XPO7: variants seen among roughly 807,000 people sequenced by gnomAD.
The protein encoded by XPO7 is exportin-7.
XPO7 carries 21 observed loss-of-function variants against 144.3 expected under a neutral mutation model. The ratio of observed to expected loss-of-function variants is 0.15; its 90% confidence interval spans 0.10 to 0.21. The LOEUF is 0.21. XPO7 is among the 10% of genes least tolerant of loss of function. The probability of loss-of-function intolerance (pLI) is 1.00; values close to 1 mark genes in which losing one functional copy is unlikely to be tolerated. For synonymous variants in XPO7, 580 were observed against 499.6 expected, an observed-to-expected ratio of 1.16 and a Z score of -2.15; for missense variants, 808 against 1,325.8, an observed-to-expected ratio of 0.61 and a Z score of 6.06.
intron 21 of XPO7, 72 bp from the exon 22 acceptor site, chr8:21,998,683 T>G: frequency 2.3e-6 from 3 of 1,320,118 alleles, no homozygotes; most frequent in Non-Finnish European, 3.3e-6. Context: ...GGTACTCAGA[T>G]GAGAGCCTCA....
chr8:21,930,663 G>C (rs941492738), intron 1 of XPO7, among the ~76,000 whole-genome samples: 1 of 152,190 alleles, frequency 6.6e-6, no homozygotes, highest in East Asian at 1.9e-4. Flanking sequence ...AAGAGACCAG[G>C]ACATGAAGTG....
At chr8:21,991,823 G>C (rs1387697256) in intron 18 of XPO7, 45 bp from the exon 19 acceptor site, 3 of 1,499,110 alleles carry the variant, frequency 2.0e-6, no homozygotes, top group Non-Finnish European at 2.7e-6. Flanking sequence ...GCACAGCTTT[G>C]AATTCTTGGT....
chr8:21,987,150 G>T lies in XPO7; in HGVS notation c.1587G>T (p.Gln529His). ...MDGELVCRVL[Q>H]LMNLTDSRLA... ...GCTCCTCTTCCTCCAGGGTGCTCCA[G>T]CTGATGAACCTAACAGATTCTCGTT... The change falls in exon 14 of 28, where the codon CAG (glutamine) becomes CAT (histidine). Residue 529 changes from glutamine to histidine, a missense_variant. Gln to His is a conservative substitution (Grantham distance 24). This residue lies in a region of XPO7 where 416 missense variants were observed against 612.5 expected (regional missense o/e 0.68). Coordinates refer to ENST00000252512, the MANE Select transcript of XPO7 (RefSeq NM_015024.5). 1 of 1,613,946 alleles carries T rather than the reference G, an allele frequency of 6.2e-7. No homozygotes were observed. Among genetic ancestry groups the T allele is most frequent in the Non-Finnish European group, 8.5e-7 (1 of 1,179,890 alleles).
At chr8:21,979,217 A>T (rs1809499) in intron 8 of XPO7, among the ~76,000 whole-genome samples, 1 of 150,830 alleles carries the variant, frequency 6.6e-6, no homozygotes, top group African/African-American at 2.4e-5. Context: ...GGCTAATTTT[A>T]TATTTTCAGT....
At chr8:22,000,602 G>A (rs1388626329) in intron 24 of XPO7, among the ~76,000 whole-genome samples, 12 of 151,892 alleles carry the variant, frequency 7.9e-5, no homozygotes, top group Middle Eastern at 3.2e-3. Context: ...ATAGGCGCCC[G>A]CCACCATGCC....
chr8:22,005,058 T>A lies in XPO7; in HGVS notation c.3234T>A (p.Tyr1078Ter). ...ACGACTCAATGAAGAATTCCACTTA[T>A]GGCGTGAATAGCAATGACATGATGA... is the stretch of plus-strand genomic sequence containing the variant. ...EVNDSMKNST[Y>*]GVNSNDMMS Residue 1078 changes from tyrosine to a stop codon, truncating the protein, a stop_gained, in exon 28 of 28, where the codon TAT (tyrosine) becomes TAA (stop). Coordinates refer to ENST00000252512, the MANE Select transcript of XPO7 (RefSeq NM_015024.5). LOFTEE classifies it high-confidence loss of function. The A allele has an allele frequency of 6.2e-7, 1 of 1,613,090 alleles. No homozygotes were observed. The highest frequency in any genetic ancestry group is 8.5e-7 in the Non-Finnish European group (1 of 1,179,462).
At chr8:21,946,287 T>C (rs1377657847) in intron 1 of XPO7, among the ~76,000 whole-genome samples, 1 of 152,028 alleles carries the variant, frequency 6.6e-6, no homozygotes, top group Non-Finnish European at 1.5e-5. Context: ...AACAAAATAA[T>C]ATTTAAAAGG....
intron 1 of XPO7, among the ~76,000 whole-genome samples, chr8:21,937,196 C>A (rs1810848893): frequency 6.6e-6 from 1 of 152,112 alleles, no homozygotes; most frequent in Admixed American, 6.5e-5. Context: ...GTAGATATGA[C>A]CACCATAGAG....
At chr8:21,987,761 T>G (rs1200089498) in intron 14 of XPO7, 23 bp from the exon 15 acceptor site, 1 of 1,613,142 alleles carries the variant, frequency 6.2e-7, no homozygotes, top group African/African-American at 1.3e-5. Context: ...TGTGTTCTGG[T>G]TACTTTCTCT....
Position 21,960,756 on chromosome 8 carries a change from A to G in XPO7, c.19-6101A>G, listed in dbSNP as rs1205989004. ...TTACTCACTCTCTTAGTCTTACCTT[A>G]GTTCTTCCTGAGAAACTAATGGGAG... On this transcript the variant is annotated intron_variant, in intron 1 of 27. Coordinates refer to ENST00000252512, the MANE Select transcript of XPO7 (RefSeq NM_015024.5). 2.0e-5 allele frequency among the ~76,000 whole-genome samples: 3 copies of G among 152,338 alleles called. No individual in the cohort carries two copies. In the East Asian group the frequency reaches 5.8e-4, roughly 29 times the overall value.
Position 21,976,353 on chromosome 8 carries a change from C to T in XPO7, c.598-3C>T, listed in dbSNP as rs903115389. 8.1e-6 allele frequency: 13 copies of T among 1,612,058 alleles called. No homozygotes were observed. The highest frequency in any genetic ancestry group is 5.3e-5 in the African/African-American group (4 of 74,870). ...GGGACTCATTATGTGGTAATTTTTA[C>T]AGGCTTCAGGAAAGAATCTAAACTT... On this transcript the variant is annotated splice_region_variant and splice_polypyrimidine_tract_variant and intron_variant, in intron 6 of 27. Transcript: ENST00000252512.
At chr8:21,934,383 A>C (rs1350334860) in intron 1 of XPO7, among the ~76,000 whole-genome samples, 1 of 151,930 alleles carries the variant, frequency 6.6e-6, no homozygotes, top group African/African-American at 2.4e-5. Flanking sequence ...AAAATACAAA[A>C]TTAGCCGGGC....
chr8:21,966,445 G>C, intron 1 of XPO7: 1 of 605,842 alleles, frequency 1.7e-6, no homozygotes. Context: ...AATGTGTGTG[G>C]TACTTATATC....
chr8:21,969,705 C>T (rs2117330122), intron 3 of XPO7, 129 bp downstream of exon 3: 1 of 959,982 alleles, frequency 1.0e-6, no homozygotes, highest in East Asian at 2.7e-5. Context: ...GTCTAGAATC[C>T]AGTTCGTTTC....
intron 1 of XPO7, among the ~76,000 whole-genome samples, chr8:21,945,143 C>T (rs527306367): frequency 6.7e-4 from 102 of 152,284 alleles, no homozygotes; most frequent in African/African-American, 2.2e-3. Context: ...GACGGGGTGG[C>T]GGCCGGGCAG....
chr8:21,930,761 G>A (rs1006627570), intron 1 of XPO7, among the ~76,000 whole-genome samples: 1 of 152,182 alleles, frequency 6.6e-6, no homozygotes, highest in Non-Finnish European at 1.5e-5. Flanking sequence ...CAATGTTATA[G>A]GAAGTTGATT....
chr8:21,995,115 CT>C (rs1418708538), intron 20 of XPO7, among the ~76,000 whole-genome samples: 1 of 151,874 alleles, frequency 6.6e-6, no homozygotes, highest in African/African-American at 2.4e-5. Context: ...GGAAGTCTAA[CT>C]TTACTGACTT....
At chr8:21,951,840 C>T (rs1811382713) in intron 1 of XPO7, among the ~76,000 whole-genome samples, 2 of 152,112 alleles carry the variant, frequency 1.3e-5, no homozygotes, top group African/African-American at 4.8e-5. Context: ...TAAAGTCTTA[C>T]ATTAATTACG....
chr8:21,997,032 T>A (rs1049403166), intron 21 of XPO7, among the ~76,000 whole-genome samples: 1 of 152,156 alleles, frequency 6.6e-6, no homozygotes, highest in Non-Finnish European at 1.5e-5. Context: ...GGTCTTGAAC[T>A]CCCGACTTGA....
Sources: gnomAD v4.1 joint callset for allele counts (sites outside exome capture counted in the v4.1 genomes callset) on GRCh38, gnomAD v4.1.1 for gene constraint, gnomAD v4.1.1 regional missense constraint, MANE v1.5 for transcripts, NCBI Gene and HGNC (gene_info 2026-07-23, HGNC 2026-07-21) for gene names.